The following NRXN1 variants were observed in gnomAD, a reference collection of about 807,000 sequenced individuals.
The protein encoded by NRXN1 is neurexin-1.
A neutral mutation model predicts 150.9 loss-of-function variants in NRXN1; 39 were observed. That is an observed-to-expected ratio of 0.26 (90% CI 0.20 to 0.34). The LOEUF (loss-of-function observed/expected upper bound fraction) is 0.34, where lower values mean the gene tolerates loss of function less well. NRXN1 is among the 10% of genes least tolerant of loss of function. The pLI, the probability that NRXN1 is intolerant of heterozygous loss-of-function variation, is 1.00. For missense variants in NRXN1, 1,815 were observed against 1,949.9 expected (o/e 0.93, Z 1.30); for synonymous variants, 924 against 757.0 (o/e 1.22, Z -3.62).
chr2:50,237,901 G>A (rs1471944019), intron 17 of NRXN1, among the ~76,000 whole-genome samples: 1 of 151,922 alleles, frequency 6.6e-6, no homozygotes, highest in African/African-American at 2.4e-5. Flanking sequence ...TGCCCATGCT[G>A]TTCTCATGAT....
intron 17 of NRXN1, among the ~76,000 whole-genome samples, chr2:50,419,054 G>A (rs936192245): frequency 1.3e-5 from 2 of 151,848 alleles, no homozygotes; most frequent in Non-Finnish European, 2.9e-5. Context: ...AATTGAGGAA[G>A]GGGCCATGAT....
At chr2:50,698,047 T>C (rs1354903193) in intron 5 of NRXN1, among the ~76,000 whole-genome samples, 1 of 152,232 alleles carries the variant, frequency 6.6e-6, no homozygotes, top group Non-Finnish European at 1.5e-5. Flanking sequence ...ATAACACCTA[T>C]CATTATCTGA....
intron 19 of NRXN1, among the ~76,000 whole-genome samples, chr2:50,081,949 T>G (rs1698031041): frequency 6.6e-6 from 1 of 152,154 alleles, no homozygotes; most frequent in South Asian, 2.1e-4. Context: ...TACTTTTAGG[T>G]AATAGTCAAA....
At chr2:50,032,841 T>G (rs1689385273) in intron 21 of NRXN1, among the ~76,000 whole-genome samples, 1 of 151,812 alleles carries the variant, frequency 6.6e-6, no homozygotes, top group African/African-American at 2.4e-5. Flanking sequence ...GATGGACACT[T>G]TAATATTGGA....
Position 50,069,883 on chromosome 2 carries a change from C to T in NRXN1, c.3719-14839G>A, listed in dbSNP as rs1177593195. Among the ~76,000 whole-genome samples, 3 of 144,792 alleles carry T rather than the reference C, an allele frequency of 2.1e-5. No homozygotes were observed. The Admixed American group carries it at 2.1e-4, about 10-fold the overall frequency. 95.0% of individuals were successfully genotyped at this position (144,792 alleles called of 152,430 possible). On this transcript the variant is annotated intron_variant, in intron 19 of 22. Coordinates refer to ENST00000401669, the MANE Select transcript of NRXN1 (RefSeq NM_001330078.2). ...TTTTTTTTTTTGAGACAGAGTCTCGCTCTGTCACCCAGGCTGGAGTGCAGT... is the reference window on the plus strand; with the variant it reads ...TTTTTTTTTTTGAGACAGAGTCTCGTTCTGTCACCCAGGCTGGAGTGCAGT...
At chr2:50,316,899 T>G (rs2075653083) in intron 17 of NRXN1, among the ~76,000 whole-genome samples, 1 of 152,072 alleles carries the variant, frequency 6.6e-6, no homozygotes, top group Non-Finnish European at 1.5e-5. Flanking sequence ...TACTATGAGA[T>G]TTCTTTTAGG....
At chr2:50,967,055 C>A (rs1694222515) in intron 2 of NRXN1, among the ~76,000 whole-genome samples, 1 of 151,860 alleles carries the variant, frequency 6.6e-6, no homozygotes, top group African/African-American at 2.4e-5. Context: ...TCCAATTTAT[C>A]ATTTTAAATA....
In NRXN1 at chr2:50,236,794, G is replaced by T. The variant is rs377333818; in HGVS notation, c.3541C>A (p.His1181Asn). The T allele has an allele frequency of 6.2e-7, 1 of 1,612,458 alleles. No individual in the cohort carries two copies. The highest frequency in any genetic ancestry group is 8.5e-7 in the Non-Finnish European group (1 of 1,179,094). The change falls in exon 18 of 23, where the codon CAT (histidine) becomes AAT (asparagine). Residue 1181 changes from histidine (H) to asparagine (N), a missense_variant. Transcript: ENST00000401669. ...CTTATGCAAAAAGTACTTACTATAT[G>T]CAGTTCTAGGTAGTCACCCAAGCCT... The part of the protein sequence containing the change: ...SSGLGDYLEL[H>N]IHQGKIGVKF...
chr2:50,022,277 C>T (rs1056213576), intron 21 of NRXN1, among the ~76,000 whole-genome samples: 2 of 152,168 alleles, frequency 1.3e-5, no homozygotes, highest in Non-Finnish European at 1.5e-5. Flanking sequence ...CCACTGCGCC[C>T]GGCTACAGGC....
chr2:50,795,922 T>C (rs1278022123), intron 5 of NRXN1, among the ~76,000 whole-genome samples: 3 of 152,010 alleles, frequency 2.0e-5, no homozygotes, highest in Admixed American at 6.6e-5. Context: ...AGCCCAATAA[T>C]GTACTGAGTC....
At chr2:50,259,848 A>T (rs938988139) in intron 17 of NRXN1, among the ~76,000 whole-genome samples, 1 of 151,800 alleles carries the variant, frequency 6.6e-6, no homozygotes, top group African/African-American at 2.4e-5. Context: ...TATCGGTACA[A>T]GTTATTGTAC....
intron 22 of NRXN1, among the ~76,000 whole-genome samples, chr2:49,934,662 A>C (rs561972776): frequency 6.6e-6 from 1 of 152,166 alleles, no homozygotes; most frequent in African/African-American, 2.4e-5. Flanking sequence ...CAAGGCATCC[A>C]TCATGGTGGG....
At position 50,506,582 on chromosome 2, in the gene NRXN1, G is replaced by A; in HGVS notation, c.2410C>T (p.Leu804Phe). The A allele has an allele frequency of 6.2e-7, 1 of 1,613,356 alleles. No homozygotes were observed. The highest frequency in any genetic ancestry group is 1.1e-5 in the South Asian group (1 of 91,048). Residue 804 changes from leucine (L) to phenylalanine (F), a missense_variant, in exon 13 of 23, where the codon CTC (leucine) becomes TTC (phenylalanine). By Grantham distance (22) the Leu-to-Phe change is conservative (BLOSUM62 0). This residue lies in a region of NRXN1 where 638 missense variants were observed against 652.6 expected (regional missense o/e 0.98). Coordinates refer to ENST00000401669, the MANE Select transcript of NRXN1 (RefSeq NM_001330078.2). The stretch of plus-strand genomic sequence containing the variant: ...ACTGTGTGCCACTCGTTATCATTGA[G>A]GTTATAGCCAGCAAAAAGAGTCTCG... The part of the protein sequence containing the change: ...GPETLFAGYN[L>F]NDNEWHTVRV...
intron 2 of NRXN1, among the ~76,000 whole-genome samples, chr2:50,961,094 A>G (rs1693107420): frequency 6.6e-6 from 1 of 151,900 alleles, no homozygotes; most frequent in Admixed American, 6.6e-5. Flanking sequence ...TACAGAGATA[A>G]GACTTTAAAG....
chr2:50,431,926 T>C (rs929047560), intron 17 of NRXN1, among the ~76,000 whole-genome samples: 7 of 152,220 alleles, frequency 4.6e-5, no homozygotes, highest in African/African-American at 1.7e-4. Flanking sequence ...TGTTGAATCC[T>C]ATAAGAAGTC....
chr2:50,267,727 G>A (rs1433261761), intron 17 of NRXN1, among the ~76,000 whole-genome samples: 1 of 152,118 alleles, frequency 6.6e-6, no homozygotes, highest in Non-Finnish European at 1.5e-5. Context: ...CCCCTATTGA[G>A]GGTAAGCCAA....
intron 5 of NRXN1, among the ~76,000 whole-genome samples, chr2:50,874,246 T>C (rs1314670107): frequency 6.6e-6 from 1 of 151,872 alleles, no homozygotes; most frequent in Non-Finnish European, 1.5e-5. Context: ...GAATAGTTAA[T>C]TCCAGTTATT....
intron 18 of NRXN1, among the ~76,000 whole-genome samples, chr2:50,235,791 A>T (rs1490607960): frequency 6.6e-6 from 1 of 152,092 alleles, no homozygotes; most frequent in Non-Finnish European, 1.5e-5. Context: ...GGAAATAAAC[A>T]GAACCTCAAG....
intron 2 of NRXN1, among the ~76,000 whole-genome samples, chr2:50,971,658 C>A (rs1257326588): frequency 6.6e-6 from 1 of 151,644 alleles, no homozygotes; most frequent in Non-Finnish European, 1.5e-5. Context: ...TTAAGTTTTC[C>A]TTGAAAAACA....
Sources: gnomAD v4.1 joint callset for allele counts (sites outside exome capture counted in the v4.1 genomes callset) on GRCh38, gnomAD v4.1.1 for gene constraint, gnomAD v4.1.1 regional missense constraint, MANE v1.5 for transcripts, NCBI Gene and HGNC (gene_info 2026-07-23, HGNC 2026-07-21) for gene names.